Variants in EPS15 observed in about 807,000 individuals in gnomAD.
The protein encoded by EPS15 is epidermal growth factor receptor pathway substrate 15.
Under a neutral mutation model 113.8 loss-of-function variants are expected in EPS15, and 72 were observed. The ratio of observed to expected loss-of-function variants is 0.63; its 90% CI spans 0.52 to 0.77. EPS15 has a LOEUF of 0.77. Among genes scored for constraint, EPS15 ranks in the 30% least tolerant of loss-of-function variants. EPS15 has a pLI of 0.00. For synonymous variants in EPS15, 344 were observed against 363.4 expected, an observed-to-expected ratio of 0.95 and a Z score of 0.61; for missense variants, 1,048 against 1,045.8, an observed-to-expected ratio of 1.00 and a Z score of -0.03.
chr1:51,503,190 T>C (rs1644441939), intron 1 of EPS15, among the ~76,000 whole-genome samples: 1 of 152,174 alleles, frequency 6.6e-6, no homozygotes, highest in African/African-American at 2.4e-5. Context: ...TCAGAAGACC[T>C]TGTTAAGATA....
chr1:51,383,666 T>C (rs149244807), intron 21 of EPS15, among the ~76,000 whole-genome samples: 1 of 152,280 alleles, frequency 6.6e-6, no homozygotes, highest in East Asian at 1.9e-4. Flanking sequence ...GCCTGGTTCC[T>C]AACAGGCCAC....
intron 1 of EPS15, among the ~76,000 whole-genome samples, chr1:51,490,750 G>C (rs944017821): frequency 6.6e-6 from 1 of 152,066 alleles, no homozygotes; most frequent in Non-Finnish European, 1.5e-5. Flanking sequence ...CTTTGTGACA[G>C]AGCAAGTCTT....
At position 51,472,951 on chromosome 1, in the gene EPS15, G is replaced by GA. The variant is rs1193012083; in HGVS notation, c.76-4dup. 1.9e-6 allele frequency: 3 copies of GA among 1,607,512 alleles called. No homozygotes were observed. The Admixed American group carries it at 5.0e-5, about 27-fold the overall frequency. On this transcript the variant is annotated splice_region_variant and splice_polypyrimidine_tract_variant and intron_variant, in intron 2 of 24. Coordinates refer to ENST00000371733, the MANE Select transcript of EPS15 (RefSeq NM_001981.3). ...CTTCCAGTATTGCCTGTATCAACCT[G>GA]AAAAGATACAAATCCGTAAGTTGAC... is the stretch of plus-strand genomic sequence containing the variant.
chr1:51,420,021 T>C (rs1173012617), intron 13 of EPS15, among the ~76,000 whole-genome samples: 3 of 152,148 alleles, frequency 2.0e-5, no homozygotes, highest in Non-Finnish European at 2.9e-5. Flanking sequence ...TCCACTATTT[T>C]TTTCATTGAT....
intron 2 of EPS15, among the ~76,000 whole-genome samples, chr1:51,474,837 C>G (rs946320417): frequency 2.1e-5 from 3 of 142,090 alleles, no homozygotes; most frequent in Non-Finnish European, 4.6e-5. Context: ...CCCCCTCCCC[C>G]CAACCCACAA....
chr1:51,499,900 C>T (rs1206664019), intron 1 of EPS15, among the ~76,000 whole-genome samples: 1 of 152,154 alleles, frequency 6.6e-6, no homozygotes, highest in East Asian at 1.9e-4. Context: ...TATCCATTTC[C>T]ACAACTTTTT....
chr1:51,372,757 C>G, intron 21 of EPS15: 2 of 415,018 alleles, frequency 4.8e-6, no homozygotes, highest in Non-Finnish European at 9.2e-6. Flanking sequence ...GCAGAGGAAG[C>G]TGAGGCAGCT....
At chr1:51,419,654 T>C (rs1217356758) in intron 13 of EPS15, among the ~76,000 whole-genome samples, 1 of 152,144 alleles carries the variant, frequency 6.6e-6, no homozygotes, top group Non-Finnish European at 1.5e-5. Context: ...TCTTTGATTC[T>C]GCCATTTATT....
chr1:51,464,401 A>C (rs1654699237), intron 6 of EPS15, among the ~76,000 whole-genome samples: 1 of 151,864 alleles, frequency 6.6e-6, no homozygotes, highest in Non-Finnish European at 1.5e-5. Flanking sequence ...CACCACACCC[A>C]GCTAATTTTC....
chr1:51,490,206 A>G, intron 1 of EPS15: 1 of 399,450 alleles, frequency 2.5e-6, no homozygotes, highest in Non-Finnish European at 5.0e-6. Flanking sequence ...TGAGAGTACA[A>G]GATTCTCTAA....
At chr1:51,379,793 G>A (rs533844005) in intron 21 of EPS15, among the ~76,000 whole-genome samples, 65 of 152,182 alleles carry the variant, frequency 4.3e-4, no homozygotes, top group Non-Finnish European at 1.3e-4. Context: ...TGGGCGTGGT[G>A]GCTCATGCCT....
chr1:51,427,457 G>T (rs1365165206), intron 12 of EPS15, among the ~76,000 whole-genome samples: 1 of 152,148 alleles, frequency 6.6e-6, no homozygotes, highest in Non-Finnish European at 1.5e-5. Flanking sequence ...TGGTGTGAGG[G>T]GTTGGGGATA....
chr1:51,400,733 AAAG>A (rs1295730948), intron 19 of EPS15, among the ~76,000 whole-genome samples, 182 bp downstream of exon 19: 182 of 147,866 alleles, frequency 1.2e-3, no homozygotes, highest in Middle Eastern at 3.7e-3. Flanking sequence ...AAAAAAAAAA[AAAG>A]AAGAAGTAAA....
intron 21 of EPS15, among the ~76,000 whole-genome samples, chr1:51,380,716 G>T (rs941860118): frequency 6.6e-6 from 1 of 152,004 alleles, no homozygotes; most frequent in Non-Finnish European, 1.5e-5. Context: ...CTTTAAATGT[G>T]AATGGATTAA....
At chr1:51,516,773 A>G (rs967008252) in intron 1 of EPS15, among the ~76,000 whole-genome samples, 1 of 152,256 alleles carries the variant, frequency 6.6e-6, no homozygotes, top group Non-Finnish European at 1.5e-5. Flanking sequence ...ACAGAAGCAG[A>G]AATTAACTTG....
intron 12 of EPS15, among the ~76,000 whole-genome samples, chr1:51,425,134 CAAG>C (rs1364719937): frequency 6.6e-6 from 1 of 152,130 alleles, no homozygotes; most frequent in African/African-American, 2.4e-5. Context: ...AAGAACAAGC[CAAG>C]AATAAACCTC....
chr1:51,453,762 C>G (rs1451193701), intron 8 of EPS15, among the ~76,000 whole-genome samples: 2 of 152,124 alleles, frequency 1.3e-5, no homozygotes, highest in South Asian at 2.1e-4. Context: ...TCCACTTTCT[C>G]TGATATTTTT....
chr1:51,384,823 C>T (rs1038999862), intron 21 of EPS15, among the ~76,000 whole-genome samples: 6 of 152,048 alleles, frequency 3.9e-5, no homozygotes, highest in Admixed American at 2.6e-4. Flanking sequence ...TTTCAAGAAA[C>T]GTGCCAAGAA....
intron 21 of EPS15, among the ~76,000 whole-genome samples, chr1:51,387,827 TTAGAGACCTAC>T (rs1647130124): frequency 6.6e-6 from 1 of 152,298 alleles, no homozygotes; most frequent in African/African-American, 2.4e-5. Context: ...AAGCAAGTCC[TTAGAGACCTAC>T]AAAGAGACTT....
Sources: allele counts gnomAD v4.1 joint callset (sites outside exome capture counted in the v4.1 genomes callset), GRCh38; gene constraint gnomAD v4.1.1; transcripts MANE v1.5; gene names NCBI Gene and HGNC (gene_info 2026-07-23, HGNC 2026-07-21).